Variants in ZNF516 observed in about 807,000 individuals in gnomAD.
The protein encoded by ZNF516 is zinc finger protein 516.
A neutral mutation model predicts 79.7 loss-of-function variants in ZNF516; 19 were observed. The ratio of observed to expected loss-of-function variants is 0.24; its 90% CI spans 0.17 to 0.35. The LOEUF (loss-of-function observed/expected upper bound fraction) is 0.35, where lower values mean the gene tolerates loss of function less well. Ranked by LOEUF, ZNF516 falls within the 10% of genes least tolerant of loss-of-function variation. The pLI is 1.00. For synonymous variants in ZNF516, 877 were observed against 739.5 expected (o/e 1.19, Z -3.02); for missense variants, 1,678 against 1,679.5 (o/e 1.00, Z 0.02).
chr18:76,483,827 G>A (rs192929017), intron 1 of ZNF516, among the ~76,000 whole-genome samples: 5 of 152,308 alleles, frequency 3.3e-5, no homozygotes, highest in Non-Finnish European at 5.9e-5. Context: ...GGGAATCTGC[G>A]CAGATAGCTG....
chr18:76,366,451 A>T (rs946751964), intron 6 of ZNF516, among the ~76,000 whole-genome samples: 1 of 152,244 alleles, frequency 6.6e-6, no homozygotes, highest in Non-Finnish European at 1.5e-5. Flanking sequence ...GTTTTCCTGC[A>T]TCCTCTCTTT....
At chr18:76,397,371 A>G (rs1161029524) in intron 3 of ZNF516, among the ~76,000 whole-genome samples, 1 of 151,908 alleles carries the variant, frequency 6.6e-6, no homozygotes, top group Non-Finnish European at 1.5e-5. Context: ...ACTACAAAAA[A>G]AAAGAAAAAA....
chr18:76,448,890 T>C (rs1912227545), intron 2 of ZNF516, among the ~76,000 whole-genome samples: 1 of 152,070 alleles, frequency 6.6e-6, no homozygotes, highest in Non-Finnish European at 1.5e-5. Flanking sequence ...CAAGGAGAAG[T>C]TTCCAGAAGG....
chr18:76,480,076 C>T (rs1009142257), intron 1 of ZNF516, among the ~76,000 whole-genome samples: 1 of 118,166 alleles, frequency 8.5e-6, no homozygotes, highest in Admixed American at 8.6e-5. Context: ...GCTATGCCAT[C>T]CTATAAGGCT....
intron 3 of ZNF516, among the ~76,000 whole-genome samples, chr18:76,424,751 T>C (rs1402806732): frequency 1.1e-5 from 1 of 88,350 alleles, no homozygotes; most frequent in African/African-American, 4.7e-5. Context: ...GTGAAAAGGC[T>C]CCCCCAAAAC....
chr18:76,384,904 T>C (rs895385569), intron 3 of ZNF516, among the ~76,000 whole-genome samples: 5 of 152,206 alleles, frequency 3.3e-5, no homozygotes, highest in East Asian at 1.9e-4. Flanking sequence ...TGGCCCTGCA[T>C]AGATGGCTGC....
intron 3 of ZNF516, among the ~76,000 whole-genome samples, chr18:76,440,768 A>ATGTG (rs1568293392): frequency 5.1e-5 from 7 of 137,988 alleles, no homozygotes; most frequent in African/African-American, 7.3e-5. Flanking sequence ...GTGTGCGCGC[A>ATGTG]CGCGCGCATG....
chr18:76,441,741 G>C lies in ZNF516; in HGVS notation c.1314C>G (p.Ala438=). The part of the protein sequence containing the change: ...AEPAEYLKYG[A]WDEALAGDVA... ...CGTCCCCGGCCAGCGCCTCGTCCCAGGCCCCGTACTTGAGGTACTCGGCCG... is the reference window on the plus strand; with the variant it reads ...CGTCCCCGGCCAGCGCCTCGTCCCACGCCCCGTACTTGAGGTACTCGGCCG... The change falls in exon 3 of 7, where the codon GCC becomes GCG. Residue 438 remains alanine (A), a synonymous_variant. Coordinates refer to ENST00000443185, the MANE Select transcript of ZNF516 (RefSeq NM_014643.4). The C allele has an allele frequency of 6.4e-7, 1 of 1,572,914 alleles. No homozygotes were observed. The highest frequency in any genetic ancestry group is 8.6e-7 in the Non-Finnish European group (1 of 1,164,764).
rs1225534424 is a variant in ZNF516 at position 76,360,556 on chromosome 18, T to C, written c.*1942A>G. 6.7e-5 allele frequency: 10 copies of C among 148,254 alleles called. No individual in the cohort carries two copies. The highest frequency in any genetic ancestry group is 1.3e-4 in the Non-Finnish European group (9 of 67,580). 9.2% of individuals were successfully genotyped at this position (148,254 alleles called of 1,614,324 possible). A position where few individuals can be genotyped will look rare whatever the true frequency, so the allele number is the denominator to read the frequency against. On this transcript the variant is annotated 3_prime_UTR_variant, in exon 7 of 7. Transcript: ENST00000443185. ...TTACAGTTGTTTAACTGTATCTGCATGGACATTCCTAATTACACCAACAGG... is the reference window on the plus strand; with the variant it reads ...TTACAGTTGTTTAACTGTATCTGCACGGACATTCCTAATTACACCAACAGG...
chr18:76,380,175 C>T lies in ZNF516; in HGVS notation c.1939G>A (p.Ala647Thr), dbSNP rs538603150. The change falls in exon 4 of 7, where the codon GCA becomes ACA. Residue 647 changes from alanine to threonine, a missense_variant. This residue lies in a region of ZNF516 where 1,294 missense variants were observed against 1,248.3 expected (regional missense o/e 1.04). Transcript: ENST00000443185. ...TTTTCAAGTATGGACACAGAAGCTG[C>T]GATCCCTGCCTTGGACTCGCCGGTG... The part of the protein sequence containing the change: ...RDTGESKAGI[A>T]ASVSILENSS... The T allele has an allele frequency of 1.1e-5, 18 of 1,613,960 alleles. No individual in the cohort carries two copies. Among genetic ancestry groups the T allele is most frequent in the Admixed American group, 3.3e-5 (2 of 60,026 alleles).
intron 1 of ZNF516, among the ~76,000 whole-genome samples, chr18:76,470,926 G>A (rs8092410): frequency 0.069 from 10,538 of 151,862 alleles, 377 homozygotes; most frequent in Middle Eastern, 0.1. Flanking sequence ...CTGAGAAAAA[G>A]AAAAAAGAAA....
intron 3 of ZNF516, among the ~76,000 whole-genome samples, chr18:76,404,714 C>T (rs568404088): frequency 1.7e-4 from 24 of 144,140 alleles, no homozygotes; most frequent in Admixed American, 6.4e-4. Flanking sequence ...AGCATATGCA[C>T]GTGTGCATGT....
At chr18:76,452,700 C>G (rs1912489180) in intron 2 of ZNF516, among the ~76,000 whole-genome samples, 1 of 152,198 alleles carries the variant, frequency 6.6e-6, no homozygotes, top group Admixed American at 6.5e-5. Flanking sequence ...AGAGTAAAGA[C>G]AGTATCACAA....
intron 1 of ZNF516, among the ~76,000 whole-genome samples, chr18:76,477,334 C>T (rs1599150883): frequency 6.6e-6 from 1 of 152,108 alleles, no homozygotes; most frequent in Non-Finnish European, 1.5e-5. Context: ...ACTGACCCTC[C>T]GTGAAAGTAA....
Position 76,362,167 on chromosome 18 carries a change from A to G in ZNF516, c.*331T>C, listed in dbSNP as rs1429775771. On this transcript the variant is annotated 3_prime_UTR_variant, in exon 7 of 7. Transcript: ENST00000443185. ...CTCAAACTTGTCTTGAATAAGACAG[A>G]TGCCTTGTGCCCCTACTGTGCCTGC... 1 of 248,248 alleles carries G rather than the reference A, an allele frequency of 4.0e-6. No homozygotes were observed. The highest frequency in any genetic ancestry group is 7.9e-6 in the Non-Finnish European group (1 of 127,186). 15.4% of individuals were successfully genotyped at this position (248,248 alleles called of 1,614,324 possible).
intron 1 of ZNF516, among the ~76,000 whole-genome samples, chr18:76,473,584 G>A (rs765526191): frequency 1.6e-4 from 24 of 152,124 alleles, no homozygotes; most frequent in African/African-American, 4.6e-4. Context: ...GGCGGATCAC[G>A]AGGTCAGGAG....
rs1034182483 is a variant in ZNF516, at chr18:76,441,840, C to T, written c.1215G>A (p.Arg405=). ...TGACCGGGTCCAGCTCAGCCACCCG[C>T]CGTCCGGCCTGCGTGCCAGGGCACG... ...GDSCPGTQAG[R]RVAELDPVNS... is the part of the protein sequence containing the mutation. The change falls in exon 3 of 7, where the codon CGG becomes CGA. Residue 405 remains arginine, a synonymous_variant. Coordinates refer to ENST00000443185, the MANE Select transcript of ZNF516 (RefSeq NM_014643.4). 64 of 1,570,304 alleles carry T rather than the reference C, an allele frequency of 4.1e-5. No individual in the cohort carries two copies. Among genetic ancestry groups the T allele is most frequent in the Non-Finnish European group, 5.3e-5 (62 of 1,165,082 alleles).
chr18:76,485,017 T>A (rs1914747412), intron 1 of ZNF516, among the ~76,000 whole-genome samples: 1 of 149,990 alleles, frequency 6.7e-6, no homozygotes, highest in African/African-American at 2.4e-5. Flanking sequence ...CGGCAAGCAC[T>A]TTTACATTAG....
chr18:76,391,282 G>C (rs141407231), intron 3 of ZNF516, among the ~76,000 whole-genome samples: 1 of 152,072 alleles, frequency 6.6e-6, no homozygotes, highest in Non-Finnish European at 1.5e-5. Context: ...CCTAATCCCA[G>C]CACAAACCCT....
Sources: allele counts gnomAD v4.1 joint callset (sites outside exome capture counted in the v4.1 genomes callset), GRCh38; gene constraint gnomAD v4.1.1; regional missense constraint gnomAD v4.1.1; transcripts MANE v1.5; gene names NCBI Gene and HGNC (gene_info 2026-07-23, HGNC 2026-07-21).